The following MNT variants were observed in gnomAD, a reference collection of about 807,000 sequenced individuals.
MNT encodes the protein max-binding protein MNT.
MNT carries 13 observed loss-of-function variants against 40.7 expected under a neutral mutation model. The observed-to-expected ratio is 0.32, with a 90% confidence interval of 0.21 to 0.51. The LOEUF (loss-of-function observed/expected upper bound fraction) is 0.51, where lower values mean the gene tolerates loss of function less well. MNT is among the 20% of genes least tolerant of loss of function. MNT has a pLI of 0.98. For synonymous variants in MNT, 426 were observed against 354.8 expected, an observed-to-expected ratio of 1.20 and a Z score of -2.26; for missense variants, 757 against 792.0, an observed-to-expected ratio of 0.96 and a Z score of 0.53.
chr17:2,387,249 G>T lies in MNT; in HGVS notation c.1401C>A (p.Ile467=), dbSNP rs1315634471. 2 of 1,612,718 alleles carry T rather than the reference G, an allele frequency of 1.2e-6. No homozygotes were observed. Among genetic ancestry groups the T allele is most frequent in the Non-Finnish European group, 1.7e-6 (2 of 1,179,566 alleles). ...TGGGGGCCGAGGGGGCGATGTGGGC[G>T]ATGTGCTTGCCGCCTGGCCCCTGCA... The part of the protein sequence containing the change: ...HVLQGPGGKH[I]AHIAPSAPSP... Residue 467 remains isoleucine, a synonymous_variant, in exon 6 of 6, where the codon ATC becomes ATA. Coordinates refer to ENST00000174618, the MANE Select transcript of MNT (RefSeq NM_020310.3).
At position 2,387,369 on chromosome 17, in the gene MNT, T is replaced by C. The variant is rs774281054; in HGVS notation, c.1281A>G (p.Pro427=). Reference sequence around the variant, plus strand: ...CCCCAGCCGTCGCCACCAGATGGGCTGGAGCTGGCACCAGTGTCTGGGCAG... The same window carrying C: ...CCCCAGCCGTCGCCACCAGATGGGCCGGAGCTGGCACCAGTGTCTGGGCAG... ...AAPAQTLVPA[P]AHLVATAGGG... is the part of the protein sequence containing the mutation. Residue 427 remains proline, a synonymous_variant, in exon 6 of 6, where the codon CCA becomes CCG. Coordinates refer to ENST00000174618, the MANE Select transcript of MNT (RefSeq NM_020310.3). 1.9e-6 allele frequency: 3 copies of C among 1,612,240 alleles called. No homozygotes were observed. In the South Asian group the frequency reaches 3.3e-5, roughly 18 times the overall value.
chr17:2,394,354 CCAGA>C lies in MNT; in HGVS notation c.654-12_654-9del. The C allele has an allele frequency of 6.2e-7, 1 of 1,613,700 alleles. No individual in the cohort carries two copies. The highest frequency in any genetic ancestry group is 8.5e-7 in the Non-Finnish European group (1 of 1,179,974). On this transcript the variant is annotated splice_polypyrimidine_tract_variant and intron_variant, in intron 2 of 5. Transcript: ENST00000174618. ...ACTTCTCTGGTTCCGATCCTGAAAC[CCAGA>C]CAGATAGGAGGCTCAGGGAGGAGGA...
At chr17:2,397,021 G>A (rs1014076963) in intron 1 of MNT, among the ~76,000 whole-genome samples, 2 of 152,050 alleles carry the variant, frequency 1.3e-5, no homozygotes, top group African/African-American at 4.8e-5. Context: ...TCCCAGCCCC[G>A]CCCTCCTGCA....
chr17:2,400,056 G>GT (rs1420263737), intron 1 of MNT, among the ~76,000 whole-genome samples: 2 of 152,142 alleles, frequency 1.3e-5, no homozygotes, highest in Non-Finnish European at 2.9e-5. Context: ...GGCCGCCTCC[G>GT]CCCCAAGCGG....
intron 4 of MNT, among the ~76,000 whole-genome samples, chr17:2,393,042 G>A (rs1452748955): frequency 6.6e-6 from 1 of 151,858 alleles, no homozygotes; most frequent in African/African-American, 2.4e-5. Flanking sequence ...CTCGCGCGCT[G>A]GACCCTCCTC....
intron 1 of MNT, among the ~76,000 whole-genome samples, chr17:2,399,926 G>A (rs2151673227): frequency 6.6e-6 from 1 of 152,352 alleles, no homozygotes; most frequent in South Asian, 2.1e-4. Context: ...TTTCGCAAAC[G>A]CCCAATTAGC....
chr17:2,395,442 C>G lies in MNT; in HGVS notation c.86G>C (p.Arg29Pro). Residue 29 changes from arginine (R) to proline (P), a missense_variant, in exon 2 of 6, where the codon CGG becomes CCG. By Grantham distance (103) the Arg-to-Pro change is moderately radical (BLOSUM62 -2). Transcript: ENST00000174618. ...QQQRAREEQE[R>P]LRLEQEREQE... is the part of the protein sequence containing the mutation. ...CTCTCGCTCCTGCTCCAAGCGAAGC[C>G]GCTCCTGCTCCTCTACACAGAGAGA... 6.2e-7 allele frequency: 1 copy of G among 1,612,396 alleles called. No individual in the cohort carries two copies. The highest frequency in any genetic ancestry group is 8.5e-7 in the Non-Finnish European group (1 of 1,179,732).
chr17:2,398,507 A>C (rs972249932), intron 1 of MNT, among the ~76,000 whole-genome samples: 2 of 152,186 alleles, frequency 1.3e-5, no homozygotes, highest in African/African-American at 4.8e-5. Flanking sequence ...AGCTCAGAGG[A>C]CAGAACCTCA....
chr17:2,397,799 T>C (rs2066587736), intron 1 of MNT, among the ~76,000 whole-genome samples: 2 of 152,174 alleles, frequency 1.3e-5, no homozygotes, highest in Admixed American at 6.5e-5. Context: ...AAACTGGTGG[T>C]GGCTGGTGCT....
In MNT at chr17:2,395,473, A is replaced by AG. The variant is rs772599006; in HGVS notation, c.74-20dup. ...TGCTCCTCTACACAGAGAGAACACA[A>AG]GGGGGGGAGGGTCTCAGCGGGGCCC... On this transcript the variant is annotated intron_variant, in intron 1 of 5. Transcript: ENST00000174618. The AG allele has an allele frequency of 8.2e-5, 132 of 1,602,210 alleles. 2 individuals carry two copies. The South Asian group carries it at 1.1e-3, about 13-fold the overall frequency.
At chr17:2,400,590 C>A in intron 1 of MNT, 50 bp downstream of exon 1, 2 of 1,528,980 alleles carry the variant, frequency 1.3e-6, no homozygotes, top group Non-Finnish European at 1.8e-6. Flanking sequence ...GGACCGGGGT[C>A]ACTCGCTTCC....
At chr17:2,395,775 G>A (rs1001739740) in intron 1 of MNT, among the ~76,000 whole-genome samples, 12 of 152,092 alleles carry the variant, frequency 7.9e-5, no homozygotes, top group African/African-American at 2.9e-4. Flanking sequence ...AGAGGGTGCT[G>A]CAGGCCACCT....
chr17:2,400,931 A>C lies in MNT; in HGVS notation c.-219T>G. The stretch of plus-strand genomic sequence containing the variant: ...AATATAAAATTGCAAATTTAAAAAA[A>C]TGGGATGCAAAAAAAAAAAAAAGGC... On this transcript the variant is annotated 5_prime_UTR_variant, in exon 1 of 6. Coordinates refer to ENST00000174618, the MANE Select transcript of MNT (RefSeq NM_020310.3). 1 of 364,862 alleles carries C rather than the reference A, an allele frequency of 2.7e-6. No individual in the cohort carries two copies. Among genetic ancestry groups the C allele is most frequent in the Non-Finnish European group, 4.9e-6 (1 of 203,866 alleles). 22.6% of individuals were successfully genotyped at this position (364,862 alleles called of 1,614,324 possible).
intron 4 of MNT, 43 bp downstream of exon 4, chr17:2,393,986 GGGGCGGCGGAGGGA>G: frequency 1.6e-6 from 2 of 1,278,174 alleles, no homozygotes; most frequent in Non-Finnish European, 2.1e-6. Context: ...GGCCGGGGGA[GGGGCGGCGGAGGGA>G]GGGCGGGGGA....
chr17:2,393,901 A>T, intron 4 of MNT, 142 bp downstream of exon 4: 1 of 438,174 alleles, frequency 2.3e-6, no homozygotes, highest in Non-Finnish European at 3.8e-6. Flanking sequence ...CAGCCGGGCC[A>T]TGTGCTCAGC....
chr17:2,398,301 CCT>C lies in MNT; in HGVS notation c.73+2337_73+2338del, dbSNP rs1308854875. On this transcript the variant is annotated intron_variant, in intron 1 of 5. Transcript: ENST00000174618. Reference sequence around the variant, plus strand: ...GCACCAGGATAGCTCTGCCCTTTCCCCTCTCTCTCACAGGCACACACATCTGC... The same window carrying C: ...GCACCAGGATAGCTCTGCCCTTTCCCCTCTCTCACAGGCACACACATCTGC... Among the ~76,000 whole-genome samples the C allele has an allele frequency of 3.3e-5, 5 of 152,240 alleles. No individual in the cohort carries two copies. The South Asian group carries it at 8.3e-4, about 25-fold the overall frequency.
chr17:2,394,904 T>C lies in MNT; in HGVS notation c.624A>G (p.Lys208=). 1 of 1,601,058 alleles carries C rather than the reference T, an allele frequency of 6.2e-7. No homozygotes were observed. Among genetic ancestry groups the C allele is most frequent in the Non-Finnish European group, 8.5e-7 (1 of 1,174,572 alleles). ...TLKLAPAEEV[K]SSEQKKRPGG... ...CGGGCCTCTTCTTCTGTTCACTGGA[T>C]TTGACTTCTTCAGCTGGTGCCAACT... is the stretch of plus-strand genomic sequence containing the variant. Residue 208 remains lysine (K), a synonymous_variant, in exon 2 of 6, where the codon AAA becomes AAG. Transcript: ENST00000174618.
At chr17:2,394,477 G>T in intron 2 of MNT, 131 bp from the exon 3 acceptor site, 3 of 1,365,528 alleles carry the variant, frequency 2.2e-6, no homozygotes, top group Non-Finnish European at 3.1e-6. Flanking sequence ...ACTGGGAGAC[G>T]TTCGCCCTGT....
At chr17:2,395,899 G>GT (rs1555612055) in intron 1 of MNT, among the ~76,000 whole-genome samples, 1 of 113,504 alleles carries the variant, frequency 8.8e-6, no homozygotes, top group African/African-American at 6.4e-5. Context: ...TCACACCAGA[G>GT]GGGGGGGTGT....
Sources: gnomAD v4.1 joint callset for allele counts (sites outside exome capture counted in the v4.1 genomes callset) on GRCh38, gnomAD v4.1.1 for gene constraint, MANE v1.5 for transcripts, NCBI Gene and HGNC (gene_info 2026-07-23, HGNC 2026-07-21) for gene names.